Variants in EXOSC7 observed in about 807,000 individuals in gnomAD.
EXOSC7 encodes the protein exosome complex component RRP42.
In EXOSC7, 25 loss-of-function variants were observed where a neutral mutation model predicts 34.3. That is an observed-to-expected ratio of 0.73 (90% CI 0.53 to 1.02). EXOSC7 has a LOEUF of 1.02. EXOSC7 is among the 50% of genes least tolerant of loss of function. The pLI is 0.00. For synonymous variants in EXOSC7, 130 were observed against 143.0 expected, an observed-to-expected ratio of 0.91 and a Z score of 0.65; for missense variants, 370 against 368.5, an observed-to-expected ratio of 1.00 and a Z score of -0.03.
intron 7 of EXOSC7, among the ~76,000 whole-genome samples, chr3:45,010,779 A>G (rs1320676818): frequency 6.6e-6 from 1 of 152,168 alleles, no homozygotes. Context: ...ATGGGAGGTG[A>G]ATGAGAAGCT....
chr3:45,010,931 G>T (rs1006504609), intron 7 of EXOSC7, among the ~76,000 whole-genome samples: 8 of 152,226 alleles, frequency 5.3e-5, no homozygotes, highest in Non-Finnish European at 8.8e-5. Flanking sequence ...TGCAGTGGCA[G>T]CAGGATAGTG....
At chr3:44,990,365 A>G (rs750615117) in intron 3 of EXOSC7, among the ~76,000 whole-genome samples, 30 of 152,340 alleles carry the variant, frequency 2.0e-4, no homozygotes, top group Non-Finnish European at 3.8e-4. Context: ...TATTTTGTCA[A>G]TAAGTTCAAT....
At chr3:44,976,359 C>T (rs774995664) in intron 1 of EXOSC7, 25 bp downstream of exon 1, 2 of 1,560,422 alleles carry the variant, frequency 1.3e-6, no homozygotes, top group Non-Finnish European at 1.7e-6. Flanking sequence ...GGCGTTGGGT[C>T]GGCCGCCGGG....
intron 5 of EXOSC7, 77 bp from the exon 6 acceptor site, chr3:45,005,214 A>G: frequency 2.6e-6 from 4 of 1,529,600 alleles, no homozygotes; most frequent in Non-Finnish European, 3.6e-6. Context: ...CAGGGATTCC[A>G]ACTCCTATTC....
chr3:45,006,879 A>G (rs979474532), intron 6 of EXOSC7, among the ~76,000 whole-genome samples: 1 of 128,766 alleles, frequency 7.8e-6, no homozygotes, highest in Admixed American at 9.5e-5. Context: ...TCACACCACC[A>G]TATCTGGCTA....
At chr3:44,991,922 T>G (rs905292035) in intron 3 of EXOSC7, among the ~76,000 whole-genome samples, 3 of 152,152 alleles carry the variant, frequency 2.0e-5, no homozygotes, top group African/African-American at 7.2e-5. Context: ...GCTCAGCTAA[T>G]GTAATCAGCC....
At position 45,007,617 on chromosome 3, in the gene EXOSC7, G is replaced by T. The variant is rs1707090127; in HGVS notation, c.771+42G>T. ...GAGGAAGGTGCAGGGACCTGGCCGGGGTGCCTGCTGCTTCCTGCTCCCTTG... is the reference window on the plus strand; with the variant it reads ...GAGGAAGGTGCAGGGACCTGGCCGGTGTGCCTGCTGCTTCCTGCTCCCTTG... On this transcript the variant is annotated intron_variant, in intron 7 of 7. Coordinates refer to ENST00000265564, the MANE Select transcript of EXOSC7 (RefSeq NM_015004.4). The T allele has an allele frequency of 2.6e-6, 4 of 1,535,278 alleles. No homozygotes were observed. The East Asian group carries it at 7.0e-5, about 27-fold the overall frequency.
intron 7 of EXOSC7, among the ~76,000 whole-genome samples, chr3:45,008,213 C>G (rs1707108769): frequency 6.6e-6 from 1 of 152,240 alleles, no homozygotes; most frequent in African/African-American, 2.4e-5. Context: ...TCACCTGTTT[C>G]CCAGACCTTC....
chr3:44,998,707 T>TGTTGCAATG (rs1355869540), intron 4 of EXOSC7, among the ~76,000 whole-genome samples: 1 of 152,258 alleles, frequency 6.6e-6, no homozygotes, highest in Non-Finnish European at 1.5e-5. Flanking sequence ...AGCAGGTTAC[T>TGTTGCAATG]GTTGCAATGC....
At chr3:45,003,798 A>G (rs1316232938) in intron 5 of EXOSC7, among the ~76,000 whole-genome samples, 1 of 152,216 alleles carries the variant, frequency 6.6e-6, no homozygotes, top group Admixed American at 6.5e-5. Flanking sequence ...ATCTTAAAAG[A>G]ATAGATTACT....
intron 1 of EXOSC7, among the ~76,000 whole-genome samples, chr3:44,984,813 A>C (rs952738587): frequency 5.9e-5 from 9 of 152,402 alleles, no homozygotes; most frequent in African/African-American, 2.2e-4. Context: ...CACAGTAAAT[A>C]GCAGCTGCTA....
intron 3 of EXOSC7, among the ~76,000 whole-genome samples, chr3:44,993,807 C>T (rs1020645558): frequency 6.6e-6 from 1 of 152,180 alleles, no homozygotes; most frequent in Non-Finnish European, 1.5e-5. Flanking sequence ...CTACAATTAC[C>T]AGCCTGTGTT....
chr3:45,007,604 G>A (rs1260258194), intron 7 of EXOSC7, 29 bp downstream of exon 7: 1 of 1,570,182 alleles, frequency 6.4e-7, no homozygotes, highest in African/African-American at 1.3e-5. Flanking sequence ...GGAAGGTGCA[G>A]GGACCTGGCC....
intron 7 of EXOSC7, 119 bp downstream of exon 7, chr3:45,007,694 A>T (rs11130040): frequency 8.8e-7 from 1 of 1,139,948 alleles, no homozygotes; most frequent in Non-Finnish European, 1.2e-6. Flanking sequence ...AAACTTGGAG[A>T]TTTGGGAACA....
chr3:45,001,601 A>G lies in EXOSC7; in HGVS notation c.484A>G (p.Asn162Asp). 2.5e-6 allele frequency: 4 copies of G among 1,611,236 alleles called. No homozygotes were observed. The highest frequency in any genetic ancestry group is 3.4e-6 in the Non-Finnish European group (4 of 1,177,358). ...ISIAVKAALF[N>D]TRIPRVRVLE... The stretch of plus-strand genomic sequence containing the variant: ...CATTGCTGTAAAGGCTGCTCTCTTC[A>G]ATACAAGGTAAGTCTTCCTAGAAAC... Residue 162 changes from asparagine to aspartate, a missense_variant, in exon 5 of 8, where the codon AAT becomes GAT. This residue lies in a region of EXOSC7 where 255 missense variants were observed against 246.4 expected (regional missense o/e 1.03). Transcript: ENST00000265564.
At chr3:44,993,889 A>G (rs562384803) in intron 3 of EXOSC7, among the ~76,000 whole-genome samples, 1 of 152,182 alleles carries the variant, frequency 6.6e-6, no homozygotes, top group Non-Finnish European at 1.5e-5. Flanking sequence ...CTTGACTCCA[A>G]CATTTGTTGT....
intron 6 of EXOSC7, among the ~76,000 whole-genome samples, chr3:45,006,598 AGTAGAGACGGGGTTTCACCTT>A (rs1373928896): frequency 1.4e-5 from 2 of 146,386 alleles, no homozygotes; most frequent in Admixed American, 1.4e-4. Context: ...TTGTATTTTT[AGTAGAGACGGGGTTTCACCTT>A]GTTAGCCAGG....
chr3:44,998,040 T>TG (rs1162869022), intron 4 of EXOSC7, among the ~76,000 whole-genome samples: 4 of 141,942 alleles, frequency 2.8e-5, no homozygotes, highest in East Asian at 2.0e-4. Context: ...TGTTTTTTTG[T>TG]TTTTTTTTTT....
intron 7 of EXOSC7, among the ~76,000 whole-genome samples, chr3:45,009,728 A>G (rs1707154502): frequency 2.0e-5 from 3 of 151,894 alleles, no homozygotes; most frequent in Non-Finnish European, 2.9e-5. Flanking sequence ...TTGTATTTTT[A>G]GTAGAGACGG....
Sources: gnomAD v4.1 joint callset for allele counts (sites outside exome capture counted in the v4.1 genomes callset) on GRCh38, gnomAD v4.1.1 for gene constraint, gnomAD v4.1.1 regional missense constraint, MANE v1.5 for transcripts, NCBI Gene and HGNC (gene_info 2026-07-23, HGNC 2026-07-21) for gene names.